Variants in RAB9B observed in about 807,000 individuals in gnomAD.
RAB9B encodes the protein ras-related protein Rab-9B.
Under a neutral mutation model 8.9 loss-of-function variants are expected in RAB9B, and 1 was observed. That is an observed-to-expected ratio of 0.11 (90% CI 0.04 to 0.53). The LOEUF (loss-of-function observed/expected upper bound fraction) is 0.53. Among genes scored for constraint, RAB9B ranks in the 20% least tolerant of loss-of-function variants. The pLI is 0.93. For missense variants in RAB9B, 82 were observed against 152.9 expected, an observed-to-expected ratio of 0.54 and a Z score of 2.45; for synonymous variants, 63 against 57.0, an observed-to-expected ratio of 1.10 and a Z score of -0.47.
the RAB9B span, chrX:103,787,569 A>G: frequency 4.6e-6 from 2 of 438,587 alleles, no homozygotes; most frequent in African/African-American, 5.0e-5. Context: ...GATCCTCCTC[A>G]CTCTTCCCCT....
Position 103,823,573 on chromosome X carries a change from T to C in RAB9B, c.*1606A>G, listed in dbSNP as rs779895705. 26 of 111,750 alleles carry C rather than the reference T, an allele frequency of 2.3e-4. No individual in the cohort carries two copies. Among genetic ancestry groups the C allele is most frequent in the African/African-American group, 8.5e-4 (26 of 30,759 alleles). The allele number at this position is 111,750 out of a possible 1,213,427, so 9.2% of individuals were successfully genotyped here. ...GTCTCTTTTTGGGGTAATTTCTGTC[T>C]GTCACTATTTTTATCATAGATGTTT... is the stretch of plus-strand genomic sequence containing the variant. On this transcript the variant is annotated 3_prime_UTR_variant, in exon 3 of 3. Coordinates refer to ENST00000243298, the MANE Select transcript of RAB9B (RefSeq NM_016370.4).
At chrX:103,786,005 A>T in the RAB9B span, 1 of 751,084 alleles carries the variant, frequency 1.3e-6, no homozygotes, top group Non-Finnish European at 1.8e-6. Context: ...GTTTTCTTAC[A>T]CGTGTTCTGA....
rs945242608 is a variant in RAB9B, at chrX:103,823,593, A to C, written c.*1586T>G. On this transcript the variant is annotated 3_prime_UTR_variant, in exon 3 of 3. Coordinates refer to ENST00000243298, the MANE Select transcript of RAB9B (RefSeq NM_016370.4). ...CTGTCTGTCACTATTTTTATCATAG[A>C]TGTTTTAAAGTACAGATTAAAATCT... 1.8e-5 allele frequency: 2 copies of C among 111,868 alleles called. No individual in the cohort carries two copies. Among genetic ancestry groups the C allele is most frequent in the African/African-American group, 6.5e-5 (2 of 30,752 alleles). 9.2% of individuals were successfully genotyped at this position (111,868 alleles called of 1,213,427 possible).
chrX:103,806,878 A>G, the RAB9B span, among the ~76,000 whole-genome samples: 8 of 111,628 alleles, frequency 7.2e-5, no homozygotes, highest in South Asian at 3.0e-3. Context: ...ATTTAACCAG[A>G]TCTCTTCATG....
the RAB9B span, among the ~76,000 whole-genome samples, chrX:103,811,893 G>A: frequency 9.1e-6 from 1 of 110,447 alleles, no homozygotes; most frequent in Middle Eastern, 4.6e-3. Flanking sequence ...TCAGTGTCTG[G>A]TGGGGCCCCC....
At chrX:103,779,302 C>A in the RAB9B span, among the ~76,000 whole-genome samples, 4 of 112,376 alleles carry the variant, frequency 3.6e-5, no homozygotes, top group Admixed American at 9.4e-5. Flanking sequence ...GACTGTGATG[C>A]CTCCATCCAA....
At chrX:103,808,831 C>T in the RAB9B span, among the ~76,000 whole-genome samples, 2 of 113,044 alleles carry the variant, frequency 1.8e-5, no homozygotes, top group African/African-American at 6.4e-5. Flanking sequence ...GCACCTTTGC[C>T]TGTGGCTTCT....
the RAB9B span, chrX:103,788,391 G>A: frequency 8.6e-5 from 84 of 980,064 alleles, no homozygotes; most frequent in African/African-American, 3.4e-4. Context: ...ATGTGGCCCC[G>A]TAACTCCATA....
chrX:103,789,287 T>TA, the RAB9B span: 2 of 920,830 alleles, frequency 2.2e-6, no homozygotes, highest in South Asian at 3.9e-5. Flanking sequence ...TGGAGCATAT[T>TA]ACTGCTGTTG....
the RAB9B span, chrX:103,788,292 G>A: frequency 1.8e-6 from 1 of 564,639 alleles, no homozygotes; most frequent in South Asian, 2.4e-5. Context: ...TTGTAAACCT[G>A]TAGAAAAGAG....
the RAB9B span, among the ~76,000 whole-genome samples, chrX:103,782,291 A>G: frequency 1.7e-4 from 19 of 112,440 alleles, no homozygotes; most frequent in Admixed American, 1.1e-3. Flanking sequence ...TTTATTTCAG[A>G]CTTTACATTA....
chrX:103,783,871 T>G, the RAB9B span, among the ~76,000 whole-genome samples: 2 of 111,935 alleles, frequency 1.8e-5, no homozygotes, highest in Non-Finnish European at 3.8e-5. Flanking sequence ...TCCCAGTACA[T>G]TTGCTGAGTA....
the RAB9B span, chrX:103,781,189 T>C: frequency 3.9e-6 from 1 of 257,619 alleles, no homozygotes; most frequent in Non-Finnish European, 7.7e-6. Context: ...ATCATGGAGC[T>C]GGTCCTTGAG....
At chrX:103,798,821 T>C in the RAB9B span, among the ~76,000 whole-genome samples, 1 of 108,907 alleles carries the variant, frequency 9.2e-6, no homozygotes, top group South Asian at 4.1e-4. Flanking sequence ...TTTTTATTTT[T>C]AGTAGAGACG....
At position 103,824,845 on chromosome X, in the gene RAB9B, A is replaced by G; in HGVS notation, c.*334T>C. 8.1e-6 allele frequency: 1 copy of G among 124,110 alleles called. No individual in the cohort carries two copies. 10.2% of individuals were successfully genotyped at this position (124,110 alleles called of 1,213,427 possible). On this transcript the variant is annotated 3_prime_UTR_variant, in exon 3 of 3. Coordinates refer to ENST00000243298, the MANE Select transcript of RAB9B (RefSeq NM_016370.4). The stretch of plus-strand genomic sequence containing the variant: ...CTTTAAGAAATAGTTGTAGCTCTTT[A>G]ACTCCTTCATGCAGCTGGGTTCTAG...
chrX:103,830,888 T>A, intron 1 of RAB9B, among the ~76,000 whole-genome samples: 1 of 111,701 alleles, frequency 9.0e-6, no homozygotes, highest in Non-Finnish European at 1.9e-5. Flanking sequence ...AAAAGCAAAT[T>A]CGCATCAGTT....
chrX:103,814,971 G>A, the RAB9B span, among the ~76,000 whole-genome samples: 1 of 111,641 alleles, frequency 9.0e-6, no homozygotes, highest in Non-Finnish European at 1.9e-5. Flanking sequence ...AAAAAGTCCA[G>A]GACTAGATGG....
chrX:103,809,094 G>A, the RAB9B span, among the ~76,000 whole-genome samples: 1 of 111,843 alleles, frequency 8.9e-6, no homozygotes, highest in Non-Finnish European at 1.9e-5. Flanking sequence ...TCATGAGGGT[G>A]GGGTCCTCAC....
At chrX:103,819,236 A>G (rs187107600), downstream of RAB9B, among the ~76,000 whole-genome samples, 23 of 111,922 alleles carry the variant, frequency 2.1e-4, no homozygotes. Context: ...CTTTTTATCA[A>G]TCAGTTAACT....
Sources: allele counts gnomAD v4.1 joint callset (sites outside exome capture counted in the v4.1 genomes callset), GRCh38; gene constraint gnomAD v4.1.1; transcripts MANE v1.5; gene names NCBI Gene and HGNC (gene_info 2026-07-23, HGNC 2026-07-21).